ANXA8: variants seen among roughly 807,000 people sequenced by gnomAD.
ANXA8 encodes the protein VAC-beta.
A neutral mutation model predicts 26.8 loss-of-function variants in ANXA8; 9 were observed. The observed-to-expected ratio is 0.34, with a 90% CI of 0.20 to 0.59. The LOEUF (loss-of-function observed/expected upper bound fraction) is 0.59, where lower values mean the gene tolerates loss of function less well. Among genes scored for constraint, ANXA8 ranks in the 20% least tolerant of loss-of-function variants. ANXA8 has a pLI of 0.84. For missense variants in ANXA8, 83 were observed against 238.5 expected, an observed-to-expected ratio of 0.35 and a Z score of 4.29; for synonymous variants, 39 against 94.8, an observed-to-expected ratio of 0.41 and a Z score of 3.42.
chr10:47,475,324 T>C (rs1189674927), intron 6 of ANXA8, among the ~76,000 whole-genome samples, 169 bp downstream of exon 6: 8 of 151,900 alleles, frequency 5.3e-5, no homozygotes, highest in Non-Finnish European at 8.8e-5. Context: ...GTGGGGGCTC[T>C]GCAGTTGGGA....
chr10:47,659,882 G>C, the ANXA8 span, among the ~76,000 whole-genome samples: 1 of 151,398 alleles, frequency 6.6e-6, no homozygotes, highest in East Asian at 1.9e-4. Context: ...TGAGCCACCT[G>C]AGTAGCTGGG....
the ANXA8 span, among the ~76,000 whole-genome samples, chr10:47,581,968 G>T: frequency 6.7e-6 from 1 of 150,100 alleles, no homozygotes; most frequent in Non-Finnish European, 1.5e-5. Context: ...AGACAGAGAT[G>T]TAAGAGTAAC....
chr10:47,743,315 C>CATATATATATACATATATATAT, the ANXA8 span, among the ~76,000 whole-genome samples: 10 of 59,996 alleles, frequency 1.7e-4, no homozygotes, highest in Non-Finnish European at 3.0e-4. Context: ...TATATATACA[C>CATATATATATACATATATATAT]ATATATATAT....
chr10:47,700,507 T>C, the ANXA8 span, among the ~76,000 whole-genome samples: 2 of 151,744 alleles, frequency 1.3e-5, no homozygotes, highest in African/African-American at 2.4e-5. Context: ...AAACACCATA[T>C]GGATTAATAG....
chr10:47,502,408 T>C, the ANXA8 span: 8 of 1,610,514 alleles, frequency 5.0e-6, no homozygotes, highest in Non-Finnish European at 6.8e-6. Context: ...CAGAAAGAGC[T>C]TCTCCTCATA....
At chr10:47,510,748 C>T in the ANXA8 span, among the ~76,000 whole-genome samples, 3,177 of 100,350 alleles carry the variant, frequency 0.032, 111 homozygotes, top group African/African-American at 0.13. Context: ...GAGAATGGGG[C>T]GAACCCAGGA....
the ANXA8 span, among the ~76,000 whole-genome samples, chr10:47,946,335 A>C: frequency 6.6e-6 from 1 of 150,436 alleles, no homozygotes; most frequent in Non-Finnish European, 1.5e-5. Flanking sequence ...TGGTTGGGCT[A>C]ATATCTGCCT....
At chr10:47,580,538 C>G in the ANXA8 span, among the ~76,000 whole-genome samples, 1 of 150,738 alleles carries the variant, frequency 6.6e-6, no homozygotes, top group South Asian at 2.1e-4. Flanking sequence ...AAGTTCAAGA[C>G]CAGGCTGGGC....
At chr10:47,489,910 C>T in the ANXA8 span, among the ~76,000 whole-genome samples, 2 of 150,192 alleles carry the variant, frequency 1.3e-5, no homozygotes, top group African/African-American at 5.0e-5. Flanking sequence ...AGGACCTTCC[C>T]CCACAGCTGG....
chr10:47,904,511 C>T, the ANXA8 span, among the ~76,000 whole-genome samples: 1 of 79,488 alleles, frequency 1.3e-5, no homozygotes, highest in African/African-American at 6.4e-5. Context: ...ATAAACATCA[C>T]ACACACGACA....
chr10:47,957,304 C>A, the ANXA8 span, among the ~76,000 whole-genome samples: 6 of 150,396 alleles, frequency 4.0e-5, no homozygotes, highest in Non-Finnish European at 4.4e-5. Flanking sequence ...GACCCAGGAC[C>A]CCAGCTAGCC....
chr10:47,469,346 C>T (rs1246945217), intron 11 of ANXA8, among the ~76,000 whole-genome samples: 1 of 151,964 alleles, frequency 6.6e-6, no homozygotes. Context: ...TGGAGGGAGC[C>T]TGGACCATCG....
chr10:47,687,517 G>A, the ANXA8 span, among the ~76,000 whole-genome samples: 1 of 151,708 alleles, frequency 6.6e-6, no homozygotes, highest in African/African-American at 2.4e-5. Context: ...CTCCCGCTTC[G>A]GCCTCTCAAA....
chr10:47,502,691 C>T, the ANXA8 span: 1 of 1,608,574 alleles, frequency 6.2e-7, no homozygotes, highest in Non-Finnish European at 8.5e-7. Flanking sequence ...TCACAGTCCA[C>T]ACAGTGGGCG....
At chr10:47,595,155 T>G in the ANXA8 span, among the ~76,000 whole-genome samples, 2 of 148,324 alleles carry the variant, frequency 1.3e-5, no homozygotes, top group African/African-American at 5.2e-5. Flanking sequence ...AACATTCATA[T>G]TCTTCAAAAC....
At chr10:47,924,630 G>A in the ANXA8 span, among the ~76,000 whole-genome samples, 1 of 151,802 alleles carries the variant, frequency 6.6e-6, no homozygotes, top group Non-Finnish European at 1.5e-5. Context: ...GTCTGGCATA[G>A]GGCTCTCACC....
chr10:47,552,998 CAG>C, the ANXA8 span, among the ~76,000 whole-genome samples: 301 of 151,882 alleles, frequency 2.0e-3, 1 homozygote, highest in African/African-American at 6.9e-3. Context: ...CGAGCGGAAA[CAG>C]AAAGTCTTTA....
the ANXA8 span, among the ~76,000 whole-genome samples, chr10:47,649,925 G>A: frequency 1.3e-5 from 2 of 150,634 alleles, 1 homozygote; most frequent in African/African-American, 4.9e-5. Flanking sequence ...TATAGGAATT[G>A]GGGCCAGGCA....
the ANXA8 span, among the ~76,000 whole-genome samples, chr10:47,738,501 A>G: frequency 1.3e-5 from 2 of 150,208 alleles, no homozygotes; most frequent in Admixed American, 6.6e-5. Context: ...TGCTTTTTCA[A>G]TTAATAAAGT....
Sources: allele counts gnomAD v4.1 joint callset (sites outside exome capture counted in the v4.1 genomes callset), GRCh38; gene constraint gnomAD v4.1.1; transcripts MANE v1.5; gene names NCBI Gene and HGNC (gene_info 2026-07-23, HGNC 2026-07-21).